EXOC6B: variants seen among roughly 807,000 people sequenced by gnomAD.
The protein encoded by EXOC6B is exocyst complex component 6B, also known as SEC15 homolog B.
EXOC6B carries 54 observed loss-of-function variants against 113.5 expected under a neutral mutation model. The observed-to-expected ratio is 0.48, with a 90% confidence interval of 0.38 to 0.60. The LOEUF (loss-of-function observed/expected upper bound fraction) is 0.60, where lower values mean the gene tolerates loss of function less well. Ranked by LOEUF, EXOC6B falls within the 20% of genes least tolerant of loss-of-function variation. EXOC6B has a pLI of 0.00. For missense variants in EXOC6B, 797 were observed against 977.5 expected, an observed-to-expected ratio of 0.82 and a Z score of 2.46; for synonymous variants, 357 against 339.0, an observed-to-expected ratio of 1.05 and a Z score of -0.58.
chr2:72,642,218 C>T (rs1252078287), intron 6 of EXOC6B, among the ~76,000 whole-genome samples: 1 of 150,860 alleles, frequency 6.6e-6, no homozygotes, highest in African/African-American at 2.4e-5. Flanking sequence ...AATGCCATCC[C>T]CATCAAGCTA....
chr2:72,583,757 G>C (rs1327261622), intron 6 of EXOC6B, among the ~76,000 whole-genome samples: 2 of 151,858 alleles, frequency 1.3e-5, no homozygotes, highest in African/African-American at 4.8e-5. Flanking sequence ...GTCTTACTCT[G>C]TCACCCAGGC....
chr2:72,773,120 C>CTTTTT (rs1254377634), intron 1 of EXOC6B, among the ~76,000 whole-genome samples: 225 of 94,884 alleles, frequency 2.4e-3, no homozygotes, highest in Middle Eastern at 7.8e-3. Context: ...CTTAGATTTT[C>CTTTTT]TTTTTTTTTT....
intron 6 of EXOC6B, among the ~76,000 whole-genome samples, chr2:72,635,073 G>A (rs1360223454): frequency 6.6e-6 from 1 of 152,078 alleles, no homozygotes; most frequent in Admixed American, 6.5e-5. Context: ...ATGCAAGGAG[G>A]AAATTTCTAG....
In EXOC6B at chr2:72,528,504, T is replaced by C. The variant is rs537834904; in HGVS notation, c.916-13378A>G. Among the ~76,000 whole-genome samples, 3 of 152,244 alleles carry C rather than the reference T, an allele frequency of 2.0e-5. No homozygotes were observed. The South Asian group carries it at 6.2e-4, about 32-fold the overall frequency. The stretch of plus-strand genomic sequence containing the variant: ...CCAATTTATTCTTCTTTTTTTAAAA[T>C]TTGTCTTAGCTATTCTAGCTATTTT... On this transcript the variant is annotated intron_variant, in intron 8 of 21. Transcript: ENST00000272427.
chr2:72,484,566 CAAAA>C (rs1163864913), intron 16 of EXOC6B, among the ~76,000 whole-genome samples: 2 of 52,642 alleles, frequency 3.8e-5, no homozygotes. Flanking sequence ...GACTCCGTCA[CAAAA>C]AAAAAAAAAA....
At chr2:72,544,682 T>C (rs1371489882) in intron 8 of EXOC6B, among the ~76,000 whole-genome samples, 3 of 152,160 alleles carry the variant, frequency 2.0e-5, no homozygotes, top group African/African-American at 7.2e-5. Context: ...CCCTCTTTTA[T>C]ATTTTTTAAC....
chr2:72,632,189 T>C (rs1189788020), intron 6 of EXOC6B, among the ~76,000 whole-genome samples: 1 of 152,110 alleles, frequency 6.6e-6, no homozygotes, highest in African/African-American at 2.4e-5. Flanking sequence ...AAAGGAGGAA[T>C]AGACCTAGTG....
intron 1 of EXOC6B, among the ~76,000 whole-genome samples, chr2:72,778,086 A>G (rs1330659747): frequency 6.6e-6 from 1 of 152,214 alleles, no homozygotes; most frequent in Non-Finnish European, 1.5e-5. Flanking sequence ...GTCATTCCTT[A>G]TCAGTAATTA....
In EXOC6B at chr2:72,653,124, C is replaced by T. The variant is rs1290851277; in HGVS notation, c.669+64979G>A. Reference sequence around the variant, plus strand: ...ATGCACATGTATGTTTATTGCGGCTCTATTCGCAATAGCAAAGACCTGGAA... The same window carrying T: ...ATGCACATGTATGTTTATTGCGGCTTTATTCGCAATAGCAAAGACCTGGAA... On this transcript the variant is annotated intron_variant, in intron 6 of 21. Coordinates refer to ENST00000272427, the MANE Select transcript of EXOC6B (RefSeq NM_015189.3). Among the ~76,000 whole-genome samples, 7 of 151,894 alleles carry T rather than the reference C, an allele frequency of 4.6e-5. No individual in the cohort carries two copies. In the East Asian group the frequency reaches 1.2e-3, roughly 25 times the overall value.
chr2:72,708,224 G>C (rs978116021), intron 6 of EXOC6B, among the ~76,000 whole-genome samples: 2 of 152,082 alleles, frequency 1.3e-5, no homozygotes, highest in Non-Finnish European at 2.9e-5. Flanking sequence ...ATAAACAATA[G>C]ATAGGGAAAG....
chr2:72,683,118 T>A (rs1322426010), intron 6 of EXOC6B, among the ~76,000 whole-genome samples: 4 of 152,196 alleles, frequency 2.6e-5, no homozygotes, highest in Non-Finnish European at 5.9e-5. Flanking sequence ...CAAACTACCA[T>A]GTACTCCCTG....
chr2:72,352,725 G>A (rs1689727853), intron 19 of EXOC6B, among the ~76,000 whole-genome samples: 1 of 139,214 alleles, frequency 7.2e-6, no homozygotes, highest in Non-Finnish European at 1.5e-5. Context: ...AGTTAGGACT[G>A]TAATCATTTT....
intron 1 of EXOC6B, among the ~76,000 whole-genome samples, chr2:72,817,651 C>A (rs1416662739): frequency 1.3e-5 from 2 of 152,126 alleles, no homozygotes; most frequent in African/African-American, 2.4e-5. Context: ...ATAAGTTATT[C>A]AAAGAAAAGT....
chr2:72,402,838 CA>C (rs1693429623), intron 18 of EXOC6B, among the ~76,000 whole-genome samples: 1 of 151,944 alleles, frequency 6.6e-6, no homozygotes. Flanking sequence ...TGATATTTTC[CA>C]TTATTTTTGC....
At chr2:72,725,520 G>A (rs930677960) in intron 5 of EXOC6B, among the ~76,000 whole-genome samples, 1 of 152,006 alleles carries the variant, frequency 6.6e-6, no homozygotes, top group African/African-American at 2.4e-5. Context: ...CCCCTCTGAG[G>A]AGCTGGGGTT....
chr2:72,748,044 G>A (rs1015019053), intron 1 of EXOC6B, among the ~76,000 whole-genome samples: 19 of 152,118 alleles, frequency 1.2e-4, no homozygotes, highest in African/African-American at 4.3e-4. Context: ...GAAAAAGGTA[G>A]GAGACTAACT....
At chr2:72,346,097 T>A (rs1689317135) in intron 19 of EXOC6B, among the ~76,000 whole-genome samples, 1 of 152,184 alleles carries the variant, frequency 6.6e-6, no homozygotes, top group Non-Finnish European at 1.5e-5. Context: ...GAAATGTGAT[T>A]AAAATTGATA....
At chr2:72,495,619 AAG>A (rs1699994710) in intron 14 of EXOC6B, 80 bp from the exon 15 acceptor site, 2 of 777,148 alleles carry the variant, frequency 2.6e-6, no homozygotes, top group African/African-American at 1.8e-5. Flanking sequence ...AGGTTGCAAA[AAG>A]AACATTCTTT....
chr2:72,752,403 G>A (rs944184975), intron 1 of EXOC6B, among the ~76,000 whole-genome samples: 3 of 151,808 alleles, frequency 2.0e-5, no homozygotes, highest in African/African-American at 7.3e-5. Context: ...CTTTGGTGGG[G>A]GGAAGCTGAT....
Sources: gnomAD v4.1 joint callset for allele counts (sites outside exome capture counted in the v4.1 genomes callset) on GRCh38, gnomAD v4.1.1 for gene constraint, MANE v1.5 for transcripts, NCBI Gene and HGNC (gene_info 2026-07-23, HGNC 2026-07-21) for gene names.